Variants in CFAP57 observed in about 807,000 individuals in gnomAD.
The protein encoded by CFAP57 is cilia and flagella associated protein 57.
CFAP57 carries 116 observed loss-of-function variants against 146.8 expected under a neutral mutation model. That is an observed-to-expected ratio of 0.79 (90% CI 0.68 to 0.92). The LOEUF (loss-of-function observed/expected upper bound fraction) is 0.92. Ranked by LOEUF, CFAP57 falls within the 40% of genes least tolerant of loss-of-function variation. The pLI, the probability that CFAP57 is intolerant of heterozygous loss-of-function variation, is 0.00. For missense variants in CFAP57, 1,377 were observed against 1,527.2 expected (o/e 0.90, Z 1.64); for synonymous variants, 518 against 552.8 (o/e 0.94, Z 0.88).
intron 19 of CFAP57, among the ~76,000 whole-genome samples, chr1:43,232,982 G>T (rs1645535277): frequency 1.3e-5 from 2 of 152,132 alleles, no homozygotes; most frequent in South Asian, 4.1e-4. Flanking sequence ...CAAGGCCAGG[G>T]GAACCTCAAA....
At chr1:43,189,374 G>A (rs1450293976) in intron 6 of CFAP57, among the ~76,000 whole-genome samples, 2 of 152,124 alleles carry the variant, frequency 1.3e-5, no homozygotes, top group Non-Finnish European at 2.9e-5. Context: ...CAATTCTTGA[G>A]CATGAGATAT....
intron 9 of CFAP57, among the ~76,000 whole-genome samples, chr1:43,204,992 C>T (rs1460066982): frequency 6.6e-6 from 1 of 152,146 alleles, no homozygotes; most frequent in Non-Finnish European, 1.5e-5. Flanking sequence ...GCCCGTTGTG[C>T]CAGTGAGACT....
At chr1:43,191,654 C>T (rs537652552) in intron 6 of CFAP57, among the ~76,000 whole-genome samples, 4 of 147,118 alleles carry the variant, frequency 2.7e-5, no homozygotes, top group Non-Finnish European at 5.9e-5. Flanking sequence ...GATTTTCCTC[C>T]TCCCCCCATT....
intron 6 of CFAP57, among the ~76,000 whole-genome samples, chr1:43,194,168 GT>G (rs1280650248): frequency 6.9e-6 from 1 of 145,912 alleles, no homozygotes; most frequent in African/African-American, 2.7e-5. Flanking sequence ...TATTTTTTCA[GT>G]TTTTTTGGTA....
At position 43,254,075 on chromosome 1, in the gene CFAP57, C is replaced by T. The variant is rs867955694; in HGVS notation, c.3637C>T (p.Arg1213Cys). Reference protein sequence around the residue: ...IIEMQRLEIQRLRDQIQEQEQ... With the variant: ...IIEMQRLEIQCLRDQIQEQEQ... ...TGAAATGCAGCGCCTAGAAATCCAG[C>T]GCCTCAGAGACCAGATCCAAGAGCA... is the stretch of plus-strand genomic sequence containing the variant. The change falls in exon 23 of 23, where the codon CGC becomes TGC. Residue 1213 changes from arginine to cysteine, a missense_variant. Coordinates refer to ENST00000372492, the MANE Select transcript of CFAP57 (RefSeq NM_001378189.1). 17 of 1,550,470 alleles carry T rather than the reference C, an allele frequency of 1.1e-5. No individual in the cohort carries two copies. Among genetic ancestry groups the T allele is most frequent in the African/African-American group, 2.7e-5 (2 of 73,004 alleles).
chr1:43,194,573 CT>C (rs1643742438), intron 6 of CFAP57: 1 of 152,056 alleles, frequency 6.6e-6, no homozygotes, highest in South Asian at 2.1e-4. Context: ...TAGCATTCAC[CT>C]TATGCATTAG....
At chr1:43,180,000 A>C (rs1645326018) in intron 2 of CFAP57, among the ~76,000 whole-genome samples, 1 of 151,896 alleles carries the variant, frequency 6.6e-6, no homozygotes, top group African/African-American at 2.4e-5. Flanking sequence ...TGAAGTTGGG[A>C]GTTCGAGACC....
chr1:43,218,267 T>C (rs1644913231), intron 12 of CFAP57, among the ~76,000 whole-genome samples: 1 of 152,180 alleles, frequency 6.6e-6, no homozygotes, highest in Admixed American at 6.5e-5. Context: ...GTGTGTATTA[T>C]AGTATTTTTA....
chr1:43,235,576 TG>T (rs1273219718), intron 21 of CFAP57, among the ~76,000 whole-genome samples: 4 of 152,212 alleles, frequency 2.6e-5, no homozygotes, highest in African/African-American at 7.2e-5. Flanking sequence ...CAGGCAGGGC[TG>T]GTCTCATGTC....
chr1:43,249,421 CTTTTT>C (rs60189164), intron 22 of CFAP57, among the ~76,000 whole-genome samples: 13 of 67,920 alleles, frequency 1.9e-4, no homozygotes, highest in African/African-American at 6.1e-4. Flanking sequence ...TTAACCATTT[CTTTTT>C]TTTTTTTTTT....
chr1:43,188,121 C>T (rs1461131351), intron 6 of CFAP57, among the ~76,000 whole-genome samples: 1 of 152,156 alleles, frequency 6.6e-6, no homozygotes, highest in African/African-American at 2.4e-5. Context: ...TTTCAATGTT[C>T]ATCCATGTTG....
At chr1:43,187,983 T>C (rs920508301) in intron 6 of CFAP57, among the ~76,000 whole-genome samples, 2 of 152,056 alleles carry the variant, frequency 1.3e-5, no homozygotes, top group Non-Finnish European at 2.9e-5. Flanking sequence ...TTTGTATTTT[T>C]AGTAGAGACA....
At position 43,238,606 on chromosome 1, in the gene CFAP57, G is replaced by A. The variant is rs544595082; in HGVS notation, c.3405+3968G>A. Among the ~76,000 whole-genome samples, 1 of 152,260 alleles carries A rather than the reference G, an allele frequency of 6.6e-6. No homozygotes were observed. The highest frequency in any genetic ancestry group is 2.1e-4 in the South Asian group (1 of 4,826). ...TGCATTCACATTTTTAATCCACAAAGCCATCCAAAGCAAAAACGGTCGACC... is the reference window on the plus strand; with the variant it reads ...TGCATTCACATTTTTAATCCACAAAACCATCCAAAGCAAAAACGGTCGACC... On this transcript the variant is annotated intron_variant, in intron 21 of 22. Transcript: ENST00000372492. This position sits in a 1 kb window ranked among gnomAD's most constrained non-coding sequence, Gnocchi z 4.3.
At chr1:43,221,498 G>A in intron 14 of CFAP57, 33 bp downstream of exon 14, 1 of 1,424,138 alleles carries the variant, frequency 7.0e-7, no homozygotes, top group East Asian at 2.6e-5. Flanking sequence ...CGTTGGTTAG[G>A]GTTGGAAGAG....
intron 15 of CFAP57, among the ~76,000 whole-genome samples, 175 bp from the exon 16 acceptor site, chr1:43,222,649 C>T (rs4660249): frequency 0.73 from 111,791 of 152,098 alleles, 45,139 homozygotes; most frequent in East Asian, 1. Context: ...ACAGGACAGA[C>T]GGGAAGAAGG....
intron 21 of CFAP57, among the ~76,000 whole-genome samples, chr1:43,240,255 C>T (rs564994083): frequency 2.0e-5 from 3 of 152,302 alleles, no homozygotes; most frequent in African/African-American, 4.8e-5. Context: ...TGGGCAGCAG[C>T]AGGACAGCTC....
chr1:43,210,344 C>T, intron 11 of CFAP57: 4 of 1,365,366 alleles, frequency 2.9e-6, no homozygotes, highest in East Asian at 2.8e-5. Flanking sequence ...ACCATGAGTA[C>T]ACATTTGTAA....
At chr1:43,206,981 G>T in intron 10 of CFAP57, 49 bp downstream of exon 10, 1 of 1,586,044 alleles carries the variant, frequency 6.3e-7, no homozygotes, top group Non-Finnish European at 8.6e-7. Context: ...GATCTGCAGG[G>T]ACAGCTTCCC....
Position 43,197,675 on chromosome 1 carries a change from T to C in CFAP57, c.1245T>C (p.Leu415=). ...GTTCTCTGGATCGATCCATCCGCCTTTGGAATTATGAAACAAAGTAAGGAA... is the reference window on the plus strand; with the variant it reads ...GTTCTCTGGATCGATCCATCCGCCTCTGGAATTATGAAACAAAGTAAGGAA... ...ATCSLDRSIR[L]WNYETNTLEL... The change falls in exon 7 of 23, where the codon CTT becomes CTC. Residue 415 remains leucine, a synonymous_variant. Coordinates refer to ENST00000372492, the MANE Select transcript of CFAP57 (RefSeq NM_001378189.1). 6.2e-7 allele frequency: 1 copy of C among 1,614,170 alleles called. No individual in the cohort carries two copies. Among genetic ancestry groups the C allele is most frequent in the Non-Finnish European group, 8.5e-7 (1 of 1,180,020 alleles).
Sources: allele counts gnomAD v4.1 joint callset (sites outside exome capture counted in the v4.1 genomes callset), GRCh38; gene constraint gnomAD v4.1.1; non-coding constraint Gnocchi (gnomAD v3.1); transcripts MANE v1.5; gene names NCBI Gene and HGNC (gene_info 2026-07-23, HGNC 2026-07-21).